SBF2: variants seen among roughly 807,000 people sequenced by gnomAD.
The protein encoded by SBF2 is SET binding factor 2, also known as myotubularin-related protein 13.
SBF2 carries 112 observed loss-of-function variants against 225.2 expected under a neutral mutation model. The ratio of observed to expected loss-of-function variants is 0.50; its 90% CI spans 0.43 to 0.58. SBF2 has a LOEUF of 0.58. Ranked by LOEUF, SBF2 falls within the 20% of genes least tolerant of loss-of-function variation. The probability of loss-of-function intolerance (pLI) is 0.00; values close to 1 mark genes in which losing one functional copy is unlikely to be tolerated. For synonymous variants in SBF2, 763 were observed against 773.3 expected, an observed-to-expected ratio of 0.99 and a Z score of 0.22; for missense variants, 1,996 against 2,206.2, an observed-to-expected ratio of 0.90 and a Z score of 1.91.
intron 1 of SBF2, among the ~76,000 whole-genome samples, chr11:10,228,047 A>G (rs953187141): frequency 6.6e-6 from 1 of 151,270 alleles, no homozygotes; most frequent in African/African-American, 2.4e-5. Flanking sequence ...ATCCCTTGTA[A>G]CTTGGATTCC....
chr11:9,839,169 C>G (rs1855930354), intron 26 of SBF2: 1 of 343,190 alleles, frequency 2.9e-6, no homozygotes, highest in Non-Finnish European at 5.6e-6. Context: ...CTACAAAAGA[C>G]TTTCATGTCC....
chr11:10,000,802 C>T (rs1947923049), intron 8 of SBF2, 112 bp downstream of exon 8: 1 of 667,974 alleles, frequency 1.5e-6, no homozygotes, highest in Admixed American at 2.4e-5. Flanking sequence ...ATCTTTTCTA[C>T]TGGAAATGCT....
At chr11:10,042,204 G>C (rs1029916346) in intron 3 of SBF2, among the ~76,000 whole-genome samples, 1 of 152,158 alleles carries the variant, frequency 6.6e-6, no homozygotes, top group African/African-American at 2.4e-5. Context: ...AAGCTGGGCT[G>C]TTCCTAGTAC....
chr11:10,092,087 A>G (rs538677797), intron 2 of SBF2, among the ~76,000 whole-genome samples: 1 of 152,342 alleles, frequency 6.6e-6, no homozygotes, highest in East Asian at 1.9e-4. Flanking sequence ...AAGGAAAAAT[A>G]AAGCAAAATA....
chr11:9,947,334 G>C (rs1865620581), intron 16 of SBF2, among the ~76,000 whole-genome samples: 1 of 152,146 alleles, frequency 6.6e-6, no homozygotes, highest in Admixed American at 6.6e-5. Context: ...AAATGTCTAT[G>C]ACCGCTCTAA....
Position 9,781,563 on chromosome 11 carries a change from G to C in SBF2, c.5395C>G (p.Pro1799Ala). The C allele has an allele frequency of 6.2e-7, 1 of 1,614,206 alleles. No homozygotes were observed. Among genetic ancestry groups the C allele is most frequent in the Non-Finnish European group, 8.5e-7 (1 of 1,180,024 alleles). The stretch of plus-strand genomic sequence containing the variant: ...GGGGCTCCCATGCTGGGGCCAGCAG[G>C]GATGACCATTTCTACTTCAGCCAGA... ...IDLAEVEMVI[P>A]AGPSMGAPKH... Residue 1799 changes from proline (P) to alanine (A), a missense_variant, in exon 39 of 40, where the codon CCT (proline) becomes GCT (alanine). By Grantham distance (27) the Pro-to-Ala change is conservative. Transcript: ENST00000256190.
At chr11:9,949,344 T>C (rs1258066558) in intron 16 of SBF2, among the ~76,000 whole-genome samples, 2 of 152,178 alleles carry the variant, frequency 1.3e-5, no homozygotes, top group African/African-American at 2.4e-5. Flanking sequence ...GACACACTAA[T>C]AACATTGTTA....
chr11:9,806,509 A>G (rs150472586), intron 32 of SBF2, among the ~76,000 whole-genome samples: 3 of 152,326 alleles, frequency 2.0e-5, no homozygotes, highest in East Asian at 3.9e-4. Context: ...TTCAGAGACA[A>G]TGGTCTCCAA....
At chr11:10,242,972 G>A (rs1959377474) in intron 1 of SBF2, among the ~76,000 whole-genome samples, 1 of 152,018 alleles carries the variant, frequency 6.6e-6, no homozygotes, top group Admixed American at 6.6e-5. Flanking sequence ...CAACACTATA[G>A]ATCAAATAAA....
At chr11:9,830,121 G>A (rs1337453051) in intron 27 of SBF2, among the ~76,000 whole-genome samples, 1 of 152,218 alleles carries the variant, frequency 6.6e-6, no homozygotes, top group Non-Finnish European at 1.5e-5. Flanking sequence ...AATTGTGAGA[G>A]CAATTCTGGG....
At chr11:9,891,204 T>A (rs1469194495) in intron 17 of SBF2, among the ~76,000 whole-genome samples, 1 of 152,124 alleles carries the variant, frequency 6.6e-6, no homozygotes, top group Non-Finnish European at 1.5e-5. Flanking sequence ...TGCTCACTGC[T>A]ATTGTTGGGA....
intron 1 of SBF2, among the ~76,000 whole-genome samples, chr11:10,196,951 A>C (rs1312745698): frequency 3.3e-5 from 5 of 150,056 alleles, no homozygotes; most frequent in African/African-American, 1.2e-4. Flanking sequence ...AAGGGCCTTA[A>C]ATGTTGTTGA....
At chr11:10,076,260 A>T (rs1407863147) in intron 2 of SBF2, among the ~76,000 whole-genome samples, 4 of 152,206 alleles carry the variant, frequency 2.6e-5, no homozygotes, top group Non-Finnish European at 5.9e-5. Flanking sequence ...GTAAGAAGGA[A>T]TGGCAGTAGA....
chr11:9,960,019 T>C (rs565800861), intron 16 of SBF2: 55 of 283,942 alleles, frequency 1.9e-4, no homozygotes, highest in African/African-American at 1.1e-3. Context: ...GGGGTCTTGA[T>C]AAGTTGTCTA....
chr11:9,984,748 A>C (rs2134445649), intron 13 of SBF2, among the ~76,000 whole-genome samples: 1 of 152,350 alleles, frequency 6.6e-6, no homozygotes, highest in East Asian at 1.9e-4. Flanking sequence ...GAAACTCTAC[A>C]AACTAGAAGA....
intron 16 of SBF2, among the ~76,000 whole-genome samples, chr11:9,911,473 A>T (rs777080966): frequency 1.4e-4 from 21 of 152,216 alleles, no homozygotes; most frequent in Non-Finnish European, 2.9e-4. Flanking sequence ...TTTTAAGCTA[A>T]GTGTTATTAC....
At chr11:9,978,018 C>G (rs1420863784) in intron 13 of SBF2, among the ~76,000 whole-genome samples, 1 of 152,180 alleles carries the variant, frequency 6.6e-6, no homozygotes. Flanking sequence ...CACCAGGTCT[C>G]AATTCCAACC....
intron 2 of SBF2, among the ~76,000 whole-genome samples, chr11:10,178,955 CAAT>C (rs1220951053): frequency 5.1e-5 from 7 of 138,402 alleles, no homozygotes; most frequent in African/African-American, 1.6e-4. Context: ...AAATGTCCAA[CAAT>C]GATAGACTGG....
rs1182253499 is a variant in SBF2, at chr11:9,985,844, A to T, written c.1395+3653T>A. Among the ~76,000 whole-genome samples, 3 of 152,332 alleles carry T rather than the reference A, an allele frequency of 2.0e-5. 1 individual carries two copies. In the Middle Eastern group the frequency reaches 0.01, roughly 518 times the overall value. ...CAACACAATAATAGTGGGGGACGTCAATACTCCACTGGCAGCATTAGACAG... is the reference window on the plus strand; with the variant it reads ...CAACACAATAATAGTGGGGGACGTCTATACTCCACTGGCAGCATTAGACAG... On this transcript the variant is annotated intron_variant, in intron 13 of 39. Coordinates refer to ENST00000256190, the MANE Select transcript of SBF2 (RefSeq NM_030962.4).
Sources: allele counts gnomAD v4.1 joint callset (sites outside exome capture counted in the v4.1 genomes callset), GRCh38; gene constraint gnomAD v4.1.1; transcripts MANE v1.5; gene names NCBI Gene and HGNC (gene_info 2026-07-23, HGNC 2026-07-21).